The following B3GAT2 variants were observed in gnomAD, a reference collection of about 807,000 sequenced individuals.
B3GAT2 encodes the protein beta-1,3-glucuronyltransferase 2.
B3GAT2 carries 26 observed loss-of-function variants against 27.8 expected under a neutral mutation model. The ratio of observed to expected loss-of-function variants is 0.93; its 90% CI spans 0.68 to 1.30. The LOEUF is 1.30. B3GAT2 is among the 50% of genes most tolerant of loss of function. The probability of loss-of-function intolerance (pLI) is 0.00; values close to 1 mark genes in which losing one functional copy is unlikely to be tolerated. For missense variants in B3GAT2, 458 were observed against 459.0 expected (o/e 1.00, Z 0.02); for synonymous variants, 218 against 195.1 (o/e 1.12, Z -0.98).
intron 1 of B3GAT2, among the ~76,000 whole-genome samples, chr6:70,935,472 G>A (rs1031264350): frequency 1.3e-5 from 2 of 149,096 alleles, no homozygotes; most frequent in African/African-American, 2.5e-5. Flanking sequence ...ATATATATAT[G>A]TGTATATATA....
At chr6:70,918,841 T>G (rs1252042022) in intron 1 of B3GAT2, among the ~76,000 whole-genome samples, 9 of 152,214 alleles carry the variant, frequency 5.9e-5, no homozygotes, top group Non-Finnish European at 1.3e-4. Context: ...TTTCCTTCAT[T>G]TCAACCTTGG....
At chr6:70,874,874 C>A (rs928423237) in intron 2 of B3GAT2, among the ~76,000 whole-genome samples, 4 of 152,090 alleles carry the variant, frequency 2.6e-5, no homozygotes, top group Non-Finnish European at 5.9e-5. Flanking sequence ...AACTGCTATG[C>A]TGCTGGTTTT....
At chr6:70,894,648 A>T (rs1772348389) in intron 1 of B3GAT2, among the ~76,000 whole-genome samples, 1 of 152,206 alleles carries the variant, frequency 6.6e-6, no homozygotes, top group Non-Finnish European at 1.5e-5. Flanking sequence ...CCTTTAGGAA[A>T]CTTCATTACT....
chr6:70,864,098 G>A (rs1247966309), intron 2 of B3GAT2, among the ~76,000 whole-genome samples: 1 of 136,258 alleles, frequency 7.3e-6, no homozygotes, highest in Non-Finnish European at 1.5e-5. Flanking sequence ...TCAGATGAGA[G>A]CCTACCCTTC....
chr6:70,907,825 C>A (rs917833715), intron 1 of B3GAT2, among the ~76,000 whole-genome samples: 7 of 152,176 alleles, frequency 4.6e-5, no homozygotes, highest in Non-Finnish European at 8.8e-5. Flanking sequence ...AAGCAATAAG[C>A]TTTTACTGTA....
chr6:70,913,558 C>T (rs1024508401), intron 1 of B3GAT2, among the ~76,000 whole-genome samples: 1 of 152,142 alleles, frequency 6.6e-6, no homozygotes, highest in African/African-American at 2.4e-5. Flanking sequence ...GCGCCATGGT[C>T]CAAGAGTGTG....
chr6:70,947,210 A>G (rs2150051764), intron 1 of B3GAT2, among the ~76,000 whole-genome samples: 1 of 152,092 alleles, frequency 6.6e-6, no homozygotes, highest in East Asian at 1.9e-4. Context: ...AAGCTAGCAG[A>G]AGGCAAGAAA....
chr6:70,902,637 T>TATAC lies in B3GAT2; in HGVS notation c.592-8366_592-8365insGTAT, dbSNP rs1491331231. 3.9e-3 allele frequency among the ~76,000 whole-genome samples: 527 copies of TATAC among 133,436 alleles called. 3 individuals are homozygous for TATAC. Among genetic ancestry groups the TATAC allele is most frequent in the Non-Finnish European group, 6.8e-3 (413 of 61,108 alleles). The allele number at this position is 133,436 out of a possible 152,430, so 87.5% of individuals were successfully genotyped here. Reference sequence around the variant, plus strand: ...AATGGGATATATATATATATATATATACACACACACACACACACACACACA... The same window carrying TATAC: ...AATGGGATATATATATATATATATATATACACACACACACACACACACACACACA... On this transcript the variant is annotated intron_variant, in intron 1 of 3. Coordinates refer to ENST00000230053, the MANE Select transcript of B3GAT2 (RefSeq NM_080742.3).
chr6:70,942,066 C>A lies in B3GAT2; in HGVS notation c.591+13773G>T, dbSNP rs1765401891. Among the ~76,000 whole-genome samples the A allele has an allele frequency of 2.0e-5, 3 of 152,080 alleles. 1 individual carries two copies. Among genetic ancestry groups the A allele is most frequent in the Admixed American group, 1.3e-4 (2 of 15,280 alleles). ...AATTTACCACCCACCTTATCCAAGGCCTATTGAAAAAGTTAAAGGTCAAAA... is the reference window on the plus strand; with the variant it reads ...AATTTACCACCCACCTTATCCAAGGACTATTGAAAAAGTTAAAGGTCAAAA... On this transcript the variant is annotated intron_variant, in intron 1 of 3. Transcript: ENST00000230053.
At chr6:70,913,496 A>AT (rs1304181909) in intron 1 of B3GAT2, among the ~76,000 whole-genome samples, 1 of 152,104 alleles carries the variant, frequency 6.6e-6, no homozygotes, top group Non-Finnish European at 1.5e-5. Flanking sequence ...TTTGATTTGC[A>AT]TGTAGCTGTA....
chr6:70,857,740 A>C lies in B3GAT2; in HGVS notation c.*3923T>G, dbSNP rs1198166385. On this transcript the variant is annotated 3_prime_UTR_variant, in exon 4 of 4. Transcript: ENST00000230053. ...TCAGGTTAATAACTGATTTGTCTGC[A>C]TCCTAGAAACAACCAGCTCTCAGGG... The C allele has an allele frequency of 1.6e-6, 1 of 606,590 alleles. No individual in the cohort carries two copies. The highest frequency in any genetic ancestry group is 2.9e-6 in the Non-Finnish European group (1 of 345,452). The allele number at this position is 606,590 out of a possible 1,614,324, so 37.6% of individuals were successfully genotyped here.
In B3GAT2 at chr6:70,932,521, A is replaced by G. The variant is rs146914517; in HGVS notation, c.591+23318T>C. 2.6e-3 allele frequency among the ~76,000 whole-genome samples: 403 copies of G among 152,332 alleles called. 2 individuals carry two copies. Among genetic ancestry groups the G allele is most frequent in the Non-Finnish European group, 4.7e-3 (318 of 68,022 alleles). ...ATGTGGATGAACCTTAAGGACATTAAGTGAAATAAACCAGACACAAAAGTA... is the reference window on the plus strand; with the variant it reads ...ATGTGGATGAACCTTAAGGACATTAGGTGAAATAAACCAGACACAAAAGTA... On this transcript the variant is annotated intron_variant, in intron 1 of 3. Transcript: ENST00000230053.
In B3GAT2 at chr6:70,859,320, T is replaced by G; in HGVS notation, c.*2343A>C. The G allele has an allele frequency of 3.2e-6, 5 of 1,544,554 alleles. No individual in the cohort carries two copies. The highest frequency in any genetic ancestry group is 3.5e-6 in the Non-Finnish European group (4 of 1,144,266). ...CCAGGAAGGAGTTAATACTGGCTCT[T>G]ACTTCCAGATAATGCAGAAGGGTGA... On this transcript the variant is annotated 3_prime_UTR_variant, in exon 4 of 4. Coordinates refer to ENST00000230053, the MANE Select transcript of B3GAT2 (RefSeq NM_080742.3).
At chr6:70,882,497 T>A (rs769469476) in intron 2 of B3GAT2, among the ~76,000 whole-genome samples, 19 of 151,356 alleles carry the variant, frequency 1.3e-4, no homozygotes, top group Admixed American at 3.3e-4. Context: ...CGAGACTACA[T>A]CTCAAAAAAT....
chr6:70,925,466 T>C (rs377519597), intron 1 of B3GAT2, among the ~76,000 whole-genome samples: 1 of 152,156 alleles, frequency 6.6e-6, no homozygotes, highest in East Asian at 1.9e-4. Flanking sequence ...GCTTTTCCAA[T>C]GGTCTTAGCA....
chr6:70,889,905 CT>C (rs1298411503), intron 2 of B3GAT2, among the ~76,000 whole-genome samples: 1 of 151,950 alleles, frequency 6.6e-6, no homozygotes, highest in Non-Finnish European at 1.5e-5. Context: ...TCTCAGCCTC[CT>C]GAGTAGCTGG....
chr6:70,872,500 C>T (rs921928565), intron 2 of B3GAT2, among the ~76,000 whole-genome samples: 10 of 130,950 alleles, frequency 7.6e-5, no homozygotes, highest in African/African-American at 1.6e-4. Flanking sequence ...TAATCATTCC[C>T]GTTCTTTTTT....
At chr6:70,871,503 A>G (rs948879321) in intron 2 of B3GAT2, among the ~76,000 whole-genome samples, 24 of 151,914 alleles carry the variant, frequency 1.6e-4, no homozygotes, top group African/African-American at 4.8e-4. Context: ...ATTTTCATAT[A>G]GGTTATCTAA....
chr6:70,859,271 G>A lies in B3GAT2; in HGVS notation c.*2392C>T. The A allele has an allele frequency of 7.9e-7, 1 of 1,263,858 alleles. No individual in the cohort carries two copies. The highest frequency in any genetic ancestry group is 2.5e-5 in the Admixed American group (1 of 39,974). The allele number at this position is 1,263,858 out of a possible 1,614,324, so 78.3% of individuals were successfully genotyped here. On this transcript the variant is annotated 3_prime_UTR_variant, in exon 4 of 4. Coordinates refer to ENST00000230053, the MANE Select transcript of B3GAT2 (RefSeq NM_080742.3). ...TGGTCAACATGCTGAAGCACACCCA[G>A]CTCAGGTTAAGGTGCTAGATGAACC...
Sources: allele counts gnomAD v4.1 joint callset (sites outside exome capture counted in the v4.1 genomes callset), GRCh38; gene constraint gnomAD v4.1.1; transcripts MANE v1.5; gene names NCBI Gene and HGNC (gene_info 2026-07-23, HGNC 2026-07-21).